Variants in PLPP1 observed in about 807,000 individuals in gnomAD.
PLPP1 encodes lipid phosphate phosphohydrolase 1a.
In PLPP1, 24 loss-of-function variants were observed where a neutral mutation model predicts 31.2. The ratio of observed to expected loss-of-function variants is 0.77; its 90% CI spans 0.56 to 1.08. PLPP1 has a LOEUF of 1.08. Ranked by LOEUF, PLPP1 falls within the 50% of genes least tolerant of loss-of-function variation. PLPP1 has a pLI of 0.00. For missense variants in PLPP1, 319 were observed against 342.7 expected (o/e 0.93, Z 0.55); for synonymous variants, 146 against 126.3 (o/e 1.16, Z -1.05).
intron 1 of PLPP1, among the ~76,000 whole-genome samples, chr5:55,500,778 A>G (rs1196090972): frequency 6.6e-6 from 1 of 152,200 alleles, no homozygotes; most frequent in Non-Finnish European, 1.5e-5. Flanking sequence ...GAGAGATGTT[A>G]AGGGCCTGAA....
intron 1 of PLPP1, among the ~76,000 whole-genome samples, chr5:55,501,392 G>A (rs1219114054): frequency 1.3e-5 from 2 of 152,162 alleles, no homozygotes; most frequent in Admixed American, 1.3e-4. Flanking sequence ...CTAATTGATA[G>A]GTTCTCAGAG....
intron 2 of PLPP1, among the ~76,000 whole-genome samples, chr5:55,472,498 G>C (rs1164179681): frequency 3.9e-5 from 6 of 152,086 alleles, no homozygotes; most frequent in African/African-American, 9.7e-5. Context: ...TATGTGGGAG[G>C]CTGAGGCAAG....
intron 2 of PLPP1, among the ~76,000 whole-genome samples, chr5:55,468,556 C>CT (rs1018856641): frequency 6.6e-6 from 1 of 152,098 alleles, no homozygotes; most frequent in African/African-American, 2.4e-5. Flanking sequence ...AATCCCAGCA[C>CT]TTTGGGAGCC....
At chr5:55,506,261 A>G (rs1483522732) in intron 1 of PLPP1, among the ~76,000 whole-genome samples, 2 of 99,740 alleles carry the variant, frequency 2.0e-5, no homozygotes, top group African/African-American at 7.0e-5. Context: ...ACAGCAAATT[A>G]CTAAAAAAAA....
chr5:55,534,639 C>T lies in PLPP1; in HGVS notation c.-10G>A. 9 of 1,544,468 alleles carry T rather than the reference C, an allele frequency of 5.8e-6. 1 individual carries two copies. The South Asian group carries it at 1.1e-4, about 19-fold the overall frequency. ...GCGTCTTGTCAAACATGGTCTCTGC[C>T]CGGGCTGCCCGGCAAGGGCGATGGA... On this transcript the variant is annotated 5_prime_UTR_variant, in exon 1 of 6. Coordinates refer to ENST00000307259, the MANE Select transcript of PLPP1 (RefSeq NM_003711.4).
intron 1 of PLPP1, among the ~76,000 whole-genome samples, chr5:55,491,985 C>G (rs1284895853): frequency 2.0e-5 from 3 of 150,260 alleles, no homozygotes; most frequent in African/African-American, 7.4e-5. Context: ...GACAAACAAA[C>G]ACCCGGTTTT....
intron 1 of PLPP1, among the ~76,000 whole-genome samples, chr5:55,521,511 T>C (rs371211191): frequency 2.6e-5 from 4 of 151,964 alleles, no homozygotes; most frequent in Admixed American, 6.6e-5. Context: ...AGCGAGACTC[T>C]GTCTCAAAAA....
chr5:55,445,535 CTTTTTTTTT>C (rs753276317), intron 3 of PLPP1, among the ~76,000 whole-genome samples: 12 of 79,636 alleles, frequency 1.5e-4, no homozygotes, highest in African/African-American at 3.6e-4. Context: ...TGCATTCACT[CTTTTTTTTT>C]TTTTTTTTTT....
chr5:55,518,354 C>A (rs912985538), intron 1 of PLPP1, among the ~76,000 whole-genome samples: 6 of 151,834 alleles, frequency 4.0e-5, no homozygotes, highest in Admixed American at 3.3e-4. Context: ...CTTGAAAAAA[C>A]CTCATTTCAT....
At chr5:55,502,457 A>C (rs1579969533) in intron 1 of PLPP1, among the ~76,000 whole-genome samples, 1 of 151,892 alleles carries the variant, frequency 6.6e-6, no homozygotes, top group South Asian at 2.1e-4. Context: ...ACTGCACTCC[A>C]GCCTAGTGAC....
At chr5:55,445,032 G>A (rs879361038) in intron 3 of PLPP1, among the ~76,000 whole-genome samples, 19 of 152,266 alleles carry the variant, frequency 1.2e-4, no homozygotes, top group East Asian at 1.9e-4. Flanking sequence ...TTACAGGCGT[G>A]AGCCACCGCG....
Position 55,426,157 on chromosome 5 carries a change from T to TTCTAGGCAAACATTCACG in PLPP1, c.550-136_550-119dup, listed in dbSNP as rs1359046757. 6.8e-6 allele frequency: 6 copies of TTCTAGGCAAACATTCACG among 881,754 alleles called. No individual in the cohort carries two copies. In the African/African-American group the frequency reaches 8.5e-5, roughly 12 times the overall value. 54.6% of individuals were successfully genotyped at this position (881,754 alleles called of 1,614,324 possible). On this transcript the variant is annotated intron_variant, in intron 4 of 5. Coordinates refer to ENST00000307259, the MANE Select transcript of PLPP1 (RefSeq NM_003711.4). ...AGTATTATTATATAGGGAACAGGAC[T>TTCTAGGCAAACATTCACG]TCTAGGCAAACATTCACGTACGCAT...
chr5:55,481,996 ATTTTT>A (rs1752675564), intron 1 of PLPP1, among the ~76,000 whole-genome samples: 2 of 148,104 alleles, frequency 1.4e-5, no homozygotes, highest in East Asian at 1.9e-4. Context: ...ACATATATAT[ATTTTT>A]ATTTTTATTT....
intron 4 of PLPP1, among the ~76,000 whole-genome samples, chr5:55,435,093 T>C (rs1328489684): frequency 6.6e-6 from 1 of 152,040 alleles, no homozygotes; most frequent in African/African-American, 2.4e-5. Context: ...GGGGCATGAA[T>C]AGACAATTCT....
At chr5:55,493,577 T>TA (rs1394419565) in intron 1 of PLPP1, among the ~76,000 whole-genome samples, 2 of 151,904 alleles carry the variant, frequency 1.3e-5, no homozygotes, top group Admixed American at 1.3e-4. Context: ...ACCCTGTCTC[T>TA]AAAAAATATT....
chr5:55,455,138 A>G (rs1234263898), intron 3 of PLPP1, among the ~76,000 whole-genome samples: 1 of 152,266 alleles, frequency 6.6e-6, no homozygotes, highest in Admixed American at 6.5e-5. Flanking sequence ...TTGTATTTAA[A>G]TCTGATTCAT....
chr5:55,430,046 G>A (rs1751309810), intron 4 of PLPP1, among the ~76,000 whole-genome samples: 1 of 152,030 alleles, frequency 6.6e-6, no homozygotes, highest in Non-Finnish European at 1.5e-5. Context: ...CCTCCCAGGG[G>A]CCTCAGGAAG....
Position 55,468,103 on chromosome 5 carries a change from G to T in PLPP1, c.257C>A (p.Ser86Ter). 1.2e-6 allele frequency: 2 copies of T among 1,612,192 alleles called. No homozygotes were observed. Among genetic ancestry groups the T allele is most frequent in the South Asian group, 2.2e-5 (2 of 90,778 alleles). Reference protein sequence around the residue: ...TLSVYCNLLHSNSFIRNNYIA... With the variant: ...TLSVYCNLLH The stretch of plus-strand genomic sequence containing the variant: ...GTAGTTATTCCTGATAAAGGAATTT[G>T]AGTGCAAAAGGTTACAGTAAACAGA... Residue 86 changes from serine (S) to a stop codon, truncating the protein, a stop_gained, in exon 3 of 6, where the codon TCA becomes TAA. Transcript: ENST00000307259. LOFTEE classifies it high-confidence loss of function.
intron 3 of PLPP1, among the ~76,000 whole-genome samples, chr5:55,450,510 C>T (rs1166352505): frequency 2.6e-5 from 4 of 152,072 alleles, no homozygotes; most frequent in African/African-American, 4.8e-5. Flanking sequence ...AATAACATGA[C>T]TGGGAAAGAA....
Sources: gnomAD v4.1 joint callset for allele counts (sites outside exome capture counted in the v4.1 genomes callset) on GRCh38, gnomAD v4.1.1 for gene constraint, MANE v1.5 for transcripts, NCBI Gene and HGNC (gene_info 2026-07-23, HGNC 2026-07-21) for gene names.